EYS: variants seen among roughly 807,000 people sequenced by gnomAD.
The protein encoded by EYS is EGF-like photoreceptor maintenance factor, also known as protein eyes shut homolog.
EYS carries 250 observed loss-of-function variants against 282.1 expected under a neutral mutation model. The observed-to-expected ratio is 0.89, with a 90% CI of 0.80 to 0.98. The LOEUF is 0.98. EYS is among the 50% of genes least tolerant of loss of function. The pLI is 0.00. For missense variants in EYS, 4,016 were observed against 3,709.0 expected (o/e 1.08, Z -2.15); for synonymous variants, 1,355 against 1,282.9 (o/e 1.06, Z -1.20).
At chr6:64,177,778 T>C (rs1223587116) in intron 31 of EYS, among the ~76,000 whole-genome samples, 1 of 152,184 alleles carries the variant, frequency 6.6e-6, no homozygotes. Flanking sequence ...TCTGATACTT[T>C]AGATGCAATT....
chr6:65,347,942 T>C (rs183789259), intron 9 of EYS, among the ~76,000 whole-genome samples: 9 of 151,684 alleles, frequency 5.9e-5, no homozygotes, highest in Admixed American at 5.3e-4. Context: ...TCCATTATTT[T>C]AATTTTAAGC....
chr6:64,157,798 T>G (rs1338666041), intron 31 of EYS, among the ~76,000 whole-genome samples: 2 of 152,190 alleles, frequency 1.3e-5, no homozygotes, highest in Non-Finnish European at 2.9e-5. Flanking sequence ...GGCAGAAGTT[T>G]GCTGCAGGAG....
chr6:64,873,807 T>C lies in EYS; in HGVS notation c.2992+12890A>G, dbSNP rs575769160. 3.9e-5 allele frequency among the ~76,000 whole-genome samples: 6 copies of C among 152,160 alleles called. No homozygotes were observed. In the East Asian group the frequency reaches 1.2e-3, roughly 29 times the overall value. The stretch of plus-strand genomic sequence containing the variant: ...AACATCATATTGTGCCTCATAAATA[T>C]ATACAATTACTATGTGTCAATTAAA... On this transcript the variant is annotated intron_variant, in intron 19 of 42. Transcript: ENST00000503581.
intron 41 of EYS, among the ~76,000 whole-genome samples, chr6:63,734,128 C>T (rs1339683639): frequency 3.9e-5 from 6 of 152,088 alleles, no homozygotes; most frequent in Middle Eastern, 3.4e-3. Context: ...AAAATCGGGA[C>T]GAGGCAGATG....
At chr6:64,907,419 A>G (rs1261643189) in intron 16 of EYS, among the ~76,000 whole-genome samples, 3 of 152,040 alleles carry the variant, frequency 2.0e-5, no homozygotes, top group Non-Finnish European at 4.4e-5. Flanking sequence ...AACCTTTCCC[A>G]CTTAATTAAC....
At chr6:64,462,592 C>T (rs1582785102) in intron 26 of EYS, among the ~76,000 whole-genome samples, 2 of 152,088 alleles carry the variant, frequency 1.3e-5, no homozygotes, top group South Asian at 4.2e-4. Flanking sequence ...TTTGTGGATG[C>T]TGTGCTATCA....
intron 5 of EYS, among the ~76,000 whole-genome samples, chr6:65,428,246 A>G (rs1252610662): frequency 6.6e-6 from 1 of 152,084 alleles, no homozygotes; most frequent in Non-Finnish European, 1.5e-5. Flanking sequence ...ATTCTAAAAT[A>G]CAAATATATA....
intron 22 of EYS, among the ~76,000 whole-genome samples, chr6:64,811,421 T>TTA (rs1554205785): frequency 6.8e-6 from 1 of 146,308 alleles, no homozygotes; most frequent in African/African-American, 2.5e-5. Context: ...CTTCATGCTG[T>TTA]AAAAAAAAAA....
intron 26 of EYS, among the ~76,000 whole-genome samples, chr6:64,544,586 G>T (rs112142812): frequency 1.3e-5 from 2 of 152,010 alleles, no homozygotes; most frequent in Non-Finnish European, 2.9e-5. Context: ...CCAGCAGCTG[G>T]TTTTTTGAAA....
chr6:65,653,967 C>G (rs1767737628), intron 1 of EYS, among the ~76,000 whole-genome samples: 1 of 151,900 alleles, frequency 6.6e-6, no homozygotes, highest in African/African-American at 2.4e-5. Context: ...ACCCGAGCTG[C>G]CATTTTCATT....
At chr6:65,349,225 T>A (rs2150323931) in intron 9 of EYS, among the ~76,000 whole-genome samples, 1 of 151,740 alleles carries the variant, frequency 6.6e-6, no homozygotes, top group East Asian at 1.9e-4. Flanking sequence ...GGTGGTGCCA[T>A]GCTTTTCATT....
At chr6:65,655,408 G>T (rs927076257) in intron 1 of EYS, among the ~76,000 whole-genome samples, 1 of 151,564 alleles carries the variant, frequency 6.6e-6, no homozygotes, top group African/African-American at 2.4e-5. Context: ...TCATTAATAA[G>T]TTGTTGTTTA....
chr6:63,850,852 A>G (rs1050199918), intron 36 of EYS, among the ~76,000 whole-genome samples: 1 of 152,216 alleles, frequency 6.6e-6, no homozygotes, highest in Non-Finnish European at 1.5e-5. Context: ...AATGGGCTAA[A>G]TGCCCCAATT....
At chr6:65,230,832 T>C (rs1331473058) in intron 12 of EYS, among the ~76,000 whole-genome samples, 4 of 151,616 alleles carry the variant, frequency 2.6e-5, no homozygotes, top group African/African-American at 7.2e-5. Flanking sequence ...GCTATCATTG[T>C]TTTGGGAAAA....
chr6:64,787,076 A>G (rs923692763), intron 22 of EYS, among the ~76,000 whole-genome samples: 1 of 152,196 alleles, frequency 6.6e-6, no homozygotes, highest in Non-Finnish European at 1.5e-5. Flanking sequence ...TTCAACATCA[A>G]ACCAGTTAGT....
chr6:65,447,622 ATG>A (rs1402318235), intron 5 of EYS, among the ~76,000 whole-genome samples: 5 of 151,774 alleles, frequency 3.3e-5, no homozygotes, highest in African/African-American at 4.8e-5. Context: ...ATAGATTTCA[ATG>A]TGCTAGAGTC....
intron 26 of EYS, among the ~76,000 whole-genome samples, chr6:64,531,394 T>C (rs1189905186): frequency 2.9e-4 from 1 of 3,482 alleles, no homozygotes; most frequent in African/African-American, 2.0e-3. Context: ...TTGTTTTTTG[T>C]TTTTTTTTTT....
intron 29 of EYS, among the ~76,000 whole-genome samples, chr6:64,323,017 A>C (rs1304268572): frequency 6.6e-6 from 1 of 152,078 alleles, no homozygotes; most frequent in Non-Finnish European, 1.5e-5. Flanking sequence ...CTAATTTCCC[A>C]TGATTTCTTT....
chr6:64,603,861 CTGTGTGTGTGTGTGTGTGTGTGTG>C (rs34430318), intron 24 of EYS, among the ~76,000 whole-genome samples: 27 of 147,840 alleles, frequency 1.8e-4, no homozygotes, highest in Middle Eastern at 3.5e-3. Flanking sequence ...AAATGAATAC[CTGTGTGTGTGTGTGTGTGTGTGTG>C]TGTGTGTGTG....
Sources: allele counts gnomAD v4.1 joint callset (sites outside exome capture counted in the v4.1 genomes callset), GRCh38; gene constraint gnomAD v4.1.1; transcripts MANE v1.5; gene names NCBI Gene and HGNC (gene_info 2026-07-23, HGNC 2026-07-21).